XCR1: variants seen among roughly 807,000 people sequenced by gnomAD.
The protein encoded by XCR1 is chemokine XC receptor 1.
For missense variants in XCR1, 356 were observed against 424.2 expected, an observed-to-expected ratio of 0.84 and a Z score of 1.41; for synonymous variants, 187 against 188.5, an observed-to-expected ratio of 0.99 and a Z score of 0.06.
At position 46,036,888 on chromosome 3, in the gene XCR1, T is replaced by C. The variant is rs544277924; in HGVS notation, c.-31-14910A>G. 2.1e-3 allele frequency among the ~76,000 whole-genome samples: 314 copies of C among 152,232 alleles called. 4 individuals are homozygous for C. Among genetic ancestry groups the C allele is most frequent in the Middle Eastern group, 0.01 (3 of 294 alleles). ...GGTTATAAAATGGTTAACAAGGAAATAAATAATGCATAAGTAATCGAGATA... is the reference window on the plus strand; with the variant it reads ...GGTTATAAAATGGTTAACAAGGAAACAAATAATGCATAAGTAATCGAGATA... On this transcript the variant is annotated intron_variant, in intron 5 of 5. Coordinates refer to the XCR1 transcript ENST00000683768.
At chr3:46,042,817 A>G (rs770471883) in intron 5 of XCR1, among the ~76,000 whole-genome samples, 5 of 152,232 alleles carry the variant, frequency 3.3e-5, no homozygotes, top group African/African-American at 4.8e-5. Context: ...TTCTTAATCT[A>G]TATCTGTGAG....
upstream of XCR1, among the ~76,000 whole-genome samples, chr3:46,032,149 C>T (rs1250320901): frequency 1.3e-5 from 2 of 152,248 alleles, no homozygotes; most frequent in Admixed American, 1.3e-4. Context: ...AACTGTAACA[C>T]AAACAGTGCT....
intron 3 of XCR1, among the ~76,000 whole-genome samples, chr3:46,073,993 A>G (rs1156875434): frequency 6.6e-6 from 1 of 152,000 alleles, no homozygotes; most frequent in Admixed American, 6.5e-5. Flanking sequence ...AATTAGTACA[A>G]CCTCTTTGGA....
intron 1 of XCR1, among the ~76,000 whole-genome samples, chr3:46,082,100 C>T (rs1003587455): frequency 1.3e-5 from 2 of 152,176 alleles, no homozygotes; most frequent in African/African-American, 2.4e-5. Flanking sequence ...TTTAAAAAGA[C>T]AACCCTACCT....
chr3:46,082,975 G>C (rs754092922), intron 1 of XCR1, among the ~76,000 whole-genome samples: 3 of 152,212 alleles, frequency 2.0e-5, no homozygotes, highest in Non-Finnish European at 4.4e-5. Flanking sequence ...AATTTCACCA[G>C]TGTTCATGAT....
intron 5 of XCR1, among the ~76,000 whole-genome samples, chr3:46,037,469 A>G (rs1394811976): frequency 6.6e-6 from 1 of 152,150 alleles, no homozygotes; most frequent in African/African-American, 2.4e-5. Flanking sequence ...TTGTATGGTG[A>G]ATTTTTGTCC....
Position 46,021,146 on chromosome 3 carries a change from C to T in XCR1, c.802G>A (p.Ala268Thr), listed in dbSNP as rs761692588. The change falls in exon 2 of 2, where the codon GCC becomes ACC. Residue 268 changes from alanine (A) to threonine (T), a missense_variant. Physicochemically the swap from Ala to Thr is moderately conservative, Grantham distance 58. Coordinates refer to ENST00000309285, the MANE Select transcript of XCR1 (RefSeq NM_001024644.2). The surrounding 1 kb of genome is among the most constrained non-coding windows in gnomAD (Gnocchi z 4.7). ...GCGAGGTTGCGGCAGATGAGCAGGG[C>T]GTATTCTAGCTGCTGTTTGGCCTCG... is the stretch of plus-strand genomic sequence containing the variant. ...SCEAKQQLEYALLICRNLAFS... is the reference protein window; with the variant it reads ...SCEAKQQLEYTLLICRNLAFS... The T allele has an allele frequency of 1.2e-6, 2 of 1,614,232 alleles. No individual in the cohort carries two copies. The highest frequency in any genetic ancestry group is 2.2e-5 in the East Asian group (1 of 44,886).
chr3:46,049,000 G>A (rs1357676907), intron 5 of XCR1, among the ~76,000 whole-genome samples: 3 of 152,130 alleles, frequency 2.0e-5, no homozygotes, highest in Admixed American at 6.5e-5. Flanking sequence ...TAGTATAAGC[G>A]GGTCCATTGC....
intron 4 of XCR1, among the ~76,000 whole-genome samples, chr3:46,057,882 G>GTCCATCTA (rs1027471283): frequency 4.5e-5 from 6 of 134,800 alleles, no homozygotes; most frequent in African/African-American, 1.9e-4. Flanking sequence ...TTATCTGTCT[G>GTCCATCTA]TCTATCTATC....
intron 3 of XCR1, among the ~76,000 whole-genome samples, chr3:46,068,781 C>T (rs1052006160): frequency 6.0e-5 from 9 of 150,166 alleles, no homozygotes; most frequent in African/African-American, 2.2e-4. Flanking sequence ...ACATCATGGA[C>T]GTGTGTGTGT....
chr3:46,053,965 C>G (rs377711157), exon 5 of XCR1, among the ~76,000 whole-genome samples: 2 of 151,994 alleles, frequency 1.3e-5, no homozygotes, highest in East Asian at 3.9e-4. Flanking sequence ...GCTCCCTGTT[C>G]GCCTTGTCAG....
chr3:46,082,944 C>T (rs1698403093), intron 1 of XCR1, among the ~76,000 whole-genome samples: 1 of 152,128 alleles, frequency 6.6e-6, no homozygotes, highest in African/African-American at 2.4e-5. Context: ...CCACAATGAC[C>T]CACTGGTACA....
chr3:46,045,695 T>C (rs1056826208), intron 5 of XCR1, among the ~76,000 whole-genome samples: 1 of 152,276 alleles, frequency 6.6e-6, no homozygotes, highest in East Asian at 1.9e-4. Flanking sequence ...AGAATGGCTA[T>C]TAGTTAAAAG....
At position 46,074,214 on chromosome 3, in the gene XCR1, CTTTTTT is replaced by C. The variant is rs35124592; in HGVS notation, c.-263+431_-263+436del. ...CAACACGAATGGAACTGAAGGCCAT[CTTTTTT>C]TTTTTTTTTTTTTTTTTTTTGAGAC... On this transcript the variant is annotated intron_variant, in intron 3 of 5. Coordinates refer to the XCR1 transcript ENST00000683768. Among the ~76,000 whole-genome samples, 280 of 86,662 alleles carry C rather than the reference CTTTTTT, an allele frequency of 3.2e-3. 5 individuals are homozygous for C. Among genetic ancestry groups the C allele is most frequent in the African/African-American group, 0.01 (243 of 23,230 alleles). The allele number at this position is 86,662 out of a possible 152,430, so 56.9% of individuals were successfully genotyped here. A position where few individuals can be genotyped will look rare whatever the true frequency, so the allele number is the denominator to read the frequency against.
At chr3:46,030,669 C>T (rs1052436991), upstream of XCR1, among the ~76,000 whole-genome samples, 2 of 152,204 alleles carry the variant, frequency 1.3e-5, no homozygotes, top group African/African-American at 4.8e-5. Flanking sequence ...GCAGCTGCTA[C>T]CATCATGCCA....
At chr3:46,041,219 T>A (rs983252894) in intron 5 of XCR1, among the ~76,000 whole-genome samples, 1 of 152,210 alleles carries the variant, frequency 6.6e-6, no homozygotes, top group African/African-American at 2.4e-5. Flanking sequence ...TTTTCTCTTA[T>A]AATGGGACAC....
At chr3:46,074,759 A>G (rs564054745) in intron 2 of XCR1, among the ~76,000 whole-genome samples, 8 of 152,286 alleles carry the variant, frequency 5.3e-5, no homozygotes, top group Non-Finnish European at 8.8e-5. Flanking sequence ...TTACTGTTTC[A>G]GGGGTGGCAA....
chr3:46,074,311 C>T (rs1039391621), intron 3 of XCR1, among the ~76,000 whole-genome samples: 2 of 144,780 alleles, frequency 1.4e-5, no homozygotes, highest in African/African-American at 2.6e-5. Flanking sequence ...GCAGCCTCAA[C>T]CCCCAAGGCT....
intron 4 of XCR1, among the ~76,000 whole-genome samples, chr3:46,060,573 T>C (rs1042102277): frequency 6.6e-6 from 1 of 152,176 alleles, no homozygotes; most frequent in Non-Finnish European, 1.5e-5. Context: ...GGAATCATTG[T>C]TGAATCTCCT....
Sources: allele counts gnomAD v4.1 joint callset (sites outside exome capture counted in the v4.1 genomes callset), GRCh38; gene constraint gnomAD v4.1.1; non-coding constraint Gnocchi (gnomAD v3.1); transcripts MANE v1.5; gene names NCBI Gene and HGNC (gene_info 2026-07-23, HGNC 2026-07-21).